Variants in GABRB2 observed in about 807,000 individuals in gnomAD.
The protein encoded by GABRB2 is gamma-aminobutyric acid type A receptor subunit beta2.
Under a neutral mutation model 54.7 loss-of-function variants are expected in GABRB2, and 16 were observed. The observed-to-expected ratio is 0.29, with a 90% CI of 0.20 to 0.44. The LOEUF (loss-of-function observed/expected upper bound fraction) is 0.44. Among genes scored for constraint, GABRB2 ranks in the 20% least tolerant of loss-of-function variants. The pLI, the probability that GABRB2 is intolerant of heterozygous loss-of-function variation, is 1.00. For missense variants in GABRB2, 355 were observed against 644.0 expected (o/e 0.55, Z 4.86); for synonymous variants, 244 against 233.8 (o/e 1.04, Z -0.40).
intron 4 of GABRB2, 103 bp from the exon 5 acceptor site, chr5:161,411,160 A>G (rs992559063): frequency 1.2e-6 from 1 of 812,768 alleles, no homozygotes; most frequent in Non-Finnish European, 2.0e-6. Flanking sequence ...TACCCTAAGT[A>G]CTAATGAAAA....
At chr5:161,409,203 C>T (rs529226813) in intron 5 of GABRB2, among the ~76,000 whole-genome samples, 10 of 152,176 alleles carry the variant, frequency 6.6e-5, no homozygotes, top group African/African-American at 2.4e-4. Flanking sequence ...CAAATCAGCA[C>T]AGAGCCACTG....
chr5:161,474,361 T>C (rs1758533647), intron 3 of GABRB2, among the ~76,000 whole-genome samples: 1 of 152,020 alleles, frequency 6.6e-6, no homozygotes, highest in Admixed American at 6.6e-5. Context: ...TACAAAATCC[T>C]AAATGGGTTT....
In GABRB2 at chr5:161,444,874, T is replaced by C. The variant is rs73800512; in HGVS notation, c.458+14750A>G. ...TTTTACTCCTCTTAATTTACCTCAG[T>C]ATGCAAATCCATTGTTTGACCCTAT... is the stretch of plus-strand genomic sequence containing the variant. On this transcript the variant is annotated intron_variant, in intron 4 of 9. Coordinates refer to ENST00000393959, the MANE Select transcript of GABRB2 (RefSeq NM_001371727.1). Among the ~76,000 whole-genome samples, 819 of 152,258 alleles carry C rather than the reference T, an allele frequency of 5.4e-3. 11 individuals are homozygous for C. Among genetic ancestry groups the C allele is most frequent in the African/African-American group, 0.018 (746 of 41,552 alleles).
At chr5:161,375,616 A>T (rs1040877470) in intron 5 of GABRB2, among the ~76,000 whole-genome samples, 4 of 152,170 alleles carry the variant, frequency 2.6e-5, no homozygotes, top group Admixed American at 2.0e-4. Context: ...AGGCTTTTGG[A>T]GTCAAACAGG....
At chr5:161,297,324 G>A (rs1305732459) in intron 9 of GABRB2, among the ~76,000 whole-genome samples, 3 of 152,096 alleles carry the variant, frequency 2.0e-5, no homozygotes, top group Non-Finnish European at 4.4e-5. Flanking sequence ...GGACACATGT[G>A]CAGAACATGC....
intron 4 of GABRB2, among the ~76,000 whole-genome samples, chr5:161,427,998 T>A (rs535358647): frequency 6.6e-6 from 1 of 152,274 alleles, no homozygotes; most frequent in South Asian, 2.1e-4. Flanking sequence ...ACTTTCTCAA[T>A]AGTCTCCTTG....
chr5:161,401,113 C>T (rs1756175216), intron 5 of GABRB2, among the ~76,000 whole-genome samples: 1 of 152,114 alleles, frequency 6.6e-6, no homozygotes, highest in Admixed American at 6.5e-5. Flanking sequence ...CCCTCTAGGC[C>T]AGCAGTTATT....
At chr5:161,333,442 G>T (rs1753910986) in intron 7 of GABRB2, among the ~76,000 whole-genome samples, 1 of 152,160 alleles carries the variant, frequency 6.6e-6, no homozygotes, top group Non-Finnish European at 1.5e-5. Flanking sequence ...GCTTGACTCA[G>T]CCTGAGAGGT....
At chr5:161,461,038 T>C (rs1020090961) in intron 3 of GABRB2, among the ~76,000 whole-genome samples, 1 of 152,096 alleles carries the variant, frequency 6.6e-6, no homozygotes, top group Admixed American at 6.6e-5. Context: ...GAGCCAGTGA[T>C]ACATAGGGAG....
intron 4 of GABRB2, among the ~76,000 whole-genome samples, chr5:161,442,018 T>C (rs1421790058): frequency 6.6e-6 from 1 of 152,034 alleles, no homozygotes; most frequent in Non-Finnish European, 1.5e-5. Flanking sequence ...CGTACAAAAA[T>C]AGAAAGAATG....
chr5:161,500,689 C>A (rs1371779783), intron 3 of GABRB2, among the ~76,000 whole-genome samples: 2 of 152,066 alleles, frequency 1.3e-5, no homozygotes, highest in Non-Finnish European at 2.9e-5. Flanking sequence ...AAATCCATTT[C>A]ATTGCAGGGA....
intron 5 of GABRB2, among the ~76,000 whole-genome samples, chr5:161,386,840 T>A (rs1005066941): frequency 1.3e-4 from 13 of 98,754 alleles, no homozygotes; most frequent in East Asian, 3.0e-4. Flanking sequence ...AAAAAAAAAA[T>A]TATTATTGTT....
chr5:161,431,662 T>G (rs1757175120), intron 4 of GABRB2, among the ~76,000 whole-genome samples: 1 of 152,252 alleles, frequency 6.6e-6, no homozygotes, highest in Non-Finnish European at 1.5e-5. Flanking sequence ...ACATTTCTCC[T>G]GCACAGTCTT....
intron 3 of GABRB2, among the ~76,000 whole-genome samples, chr5:161,488,235 T>G (rs528128636): frequency 2.0e-5 from 3 of 151,514 alleles, no homozygotes; most frequent in South Asian, 2.1e-4. Context: ...TTAGTTTTTT[T>G]TTTTTTTTTC....
At chr5:161,352,700 G>T (rs1754511476) in intron 5 of GABRB2, among the ~76,000 whole-genome samples, 1 of 152,010 alleles carries the variant, frequency 6.6e-6, no homozygotes. Flanking sequence ...TGGATTTTAT[G>T]TGTTCTCATT....
At chr5:161,481,607 T>C (rs1485872589) in intron 3 of GABRB2, among the ~76,000 whole-genome samples, 9 of 152,042 alleles carry the variant, frequency 5.9e-5, no homozygotes, top group Middle Eastern at 3.4e-3. Flanking sequence ...TCTAGCCTCA[T>C]CCAGAGCAGA....
In GABRB2 at chr5:161,410,994, G is replaced by A; in HGVS notation, c.522C>T (p.Cys174=). The A allele has an allele frequency of 6.2e-7, 1 of 1,613,354 alleles. No individual in the cohort carries two copies. The highest frequency in any genetic ancestry group is 8.5e-7 in the Non-Finnish European group (1 of 1,179,412). ...LRRYPLDEQN[C]TLEIESYGYT... ...ACTTACAGCTCTCAATTTCCAAGGT[G>A]CAGTTTTGTTCATCCAGTGGGTACC... Residue 174 remains cysteine, a synonymous_variant, in exon 5 of 10, where the codon TGC becomes TGT. Coordinates refer to ENST00000393959, the MANE Select transcript of GABRB2 (RefSeq NM_001371727.1).
intron 4 of GABRB2, among the ~76,000 whole-genome samples, chr5:161,429,365 G>GAAAA (rs1197009162): frequency 1.8e-5 from 1 of 54,702 alleles, no homozygotes; most frequent in East Asian, 5.7e-4. Context: ...AAAAGAAAAA[G>GAAAA]AAAAAAAAAG....
intron 5 of GABRB2, among the ~76,000 whole-genome samples, chr5:161,337,076 T>C (rs913837311): frequency 6.6e-6 from 1 of 152,102 alleles, no homozygotes; most frequent in African/African-American, 2.4e-5. Context: ...AATAATAAAA[T>C]AGGAATAGGT....
Sources: gnomAD v4.1 joint callset for allele counts (sites outside exome capture counted in the v4.1 genomes callset) on GRCh38, gnomAD v4.1.1 for gene constraint, MANE v1.5 for transcripts, NCBI Gene and HGNC (gene_info 2026-07-23, HGNC 2026-07-21) for gene names.